The following DNER variants were observed in gnomAD, a reference collection of about 807,000 sequenced individuals.
DNER encodes the protein delta and Notch-like epidermal growth factor-related receptor.
Under a neutral mutation model 78.2 loss-of-function variants are expected in DNER, and 33 were observed. The observed-to-expected ratio is 0.42, with a 90% CI of 0.32 to 0.56. The LOEUF (loss-of-function observed/expected upper bound fraction) is 0.56. Ranked by LOEUF, DNER falls within the 20% of genes least tolerant of loss-of-function variation. The probability of loss-of-function intolerance (pLI) is 0.11; values close to 1 mark genes in which losing one functional copy is unlikely to be tolerated. For missense variants in DNER, 918 were observed against 975.3 expected, an observed-to-expected ratio of 0.94 and a Z score of 0.78; for synonymous variants, 417 against 384.8, an observed-to-expected ratio of 1.08 and a Z score of -0.98.
chr2:229,384,934 A>G (rs573696589), intron 11 of DNER, among the ~76,000 whole-genome samples: 1 of 152,226 alleles, frequency 6.6e-6, no homozygotes, highest in African/African-American at 2.4e-5. Flanking sequence ...TCCTGATACC[A>G]AAACCTGGAA....
chr2:229,477,935 G>T (rs1004200421), intron 6 of DNER, among the ~76,000 whole-genome samples: 1 of 152,218 alleles, frequency 6.6e-6, no homozygotes, highest in Non-Finnish European at 1.5e-5. Context: ...AAATAAGGAT[G>T]TAAATCGATT....
chr2:229,569,200 C>T (rs1421952616), intron 4 of DNER, among the ~76,000 whole-genome samples: 1 of 152,168 alleles, frequency 6.6e-6, no homozygotes. Flanking sequence ...CAGGAACCCC[C>T]ACAGATACCA....
At chr2:229,597,452 G>T (rs543255479) in intron 1 of DNER, among the ~76,000 whole-genome samples, 1 of 152,188 alleles carries the variant, frequency 6.6e-6, no homozygotes, top group South Asian at 2.1e-4. Context: ...TAAGGAAAAG[G>T]TCCTGTTGCA....
At chr2:229,690,078 C>T (rs1699542859) in intron 1 of DNER, among the ~76,000 whole-genome samples, 1 of 152,150 alleles carries the variant, frequency 6.6e-6, no homozygotes, top group African/African-American at 2.4e-5. Context: ...GTAAATCTTC[C>T]AAATGATCAA....
At chr2:229,525,141 G>T (rs1440106812) in intron 5 of DNER, among the ~76,000 whole-genome samples, 1 of 152,182 alleles carries the variant, frequency 6.6e-6, no homozygotes, top group Non-Finnish European at 1.5e-5. Flanking sequence ...ATATGCGTGT[G>T]TCTCAACGCC....
intron 1 of DNER, among the ~76,000 whole-genome samples, chr2:229,605,058 T>C (rs1240210128): frequency 6.6e-6 from 1 of 152,096 alleles, no homozygotes; most frequent in Non-Finnish European, 1.5e-5. Flanking sequence ...GTTGTTTTAT[T>C]TTTTTTTCTC....
chr2:229,522,366 C>A (rs141817084), intron 5 of DNER, among the ~76,000 whole-genome samples: 2 of 152,216 alleles, frequency 1.3e-5, no homozygotes, highest in African/African-American at 4.8e-5. Context: ...ATTAGGCATA[C>A]AATTTACATG....
intron 9 of DNER, among the ~76,000 whole-genome samples, chr2:229,417,842 G>C (rs1041360031): frequency 2.0e-5 from 3 of 151,932 alleles, no homozygotes; most frequent in African/African-American, 7.3e-5. Flanking sequence ...ATTACTTTTT[G>C]TTTTCAGCTT....
chr2:229,669,389 A>T lies in DNER; in HGVS notation c.276+44759T>A, dbSNP rs183679769. Among the ~76,000 whole-genome samples, 40 of 136,244 alleles carry T rather than the reference A, an allele frequency of 2.9e-4. No homozygotes were observed. In the East Asian group the frequency reaches 3.0e-3, roughly 10 times the overall value. 89.4% of individuals were successfully genotyped at this position (136,244 alleles called of 152,430 possible). The stretch of plus-strand genomic sequence containing the variant: ...ACATACATATATATATATATATATA[A>T]AAGAATGTCTATGTATATATAAAAT... On this transcript the variant is annotated intron_variant, in intron 1 of 12. Transcript: ENST00000341772.
intron 9 of DNER, among the ~76,000 whole-genome samples, chr2:229,410,510 C>T (rs1222823819): frequency 6.6e-6 from 1 of 152,188 alleles, no homozygotes; most frequent in Non-Finnish European, 1.5e-5. Context: ...TCAGAGAAAA[C>T]CAGGTCCACA....
intron 1 of DNER, among the ~76,000 whole-genome samples, chr2:229,656,411 G>T (rs1415290039): frequency 6.6e-6 from 1 of 152,156 alleles, no homozygotes; most frequent in African/African-American, 2.4e-5. Context: ...TGTTGGGAAT[G>T]AATGGGATCA....
At chr2:229,430,451 G>C (rs1693979000) in intron 8 of DNER, among the ~76,000 whole-genome samples, 2 of 152,168 alleles carry the variant, frequency 1.3e-5, no homozygotes, top group South Asian at 4.1e-4. Context: ...AATCTGAGTG[G>C]GCACCAGCTA....
chr2:229,495,753 T>A (rs145476255), intron 6 of DNER, among the ~76,000 whole-genome samples: 286 of 152,386 alleles, frequency 1.9e-3, no homozygotes, highest in African/African-American at 6.5e-3. Context: ...CCCAGTCAAG[T>A]TGACACATAA....
At chr2:229,605,730 A>C (rs1559180380) in intron 1 of DNER, among the ~76,000 whole-genome samples, 1 of 151,954 alleles carries the variant, frequency 6.6e-6, no homozygotes, top group South Asian at 2.1e-4. Context: ...TCTACAAAAA[A>C]AAAATGCAAA....
At position 229,495,625 on chromosome 2, in the gene DNER, C is replaced by T. The variant is rs185823203; in HGVS notation, c.1147+17158G>A. On this transcript the variant is annotated intron_variant, in intron 6 of 12. Transcript: ENST00000341772. ...CAGGTCCTCAACCTAGGCCCACCCA[C>T]GTTAGGAAGGGTAATATTCTTTACA... Among the ~76,000 whole-genome samples the T allele has an allele frequency of 7.9e-5, 12 of 152,294 alleles. No individual in the cohort carries two copies. In the East Asian group the frequency reaches 1.7e-3, roughly 22 times the overall value.
intron 5 of DNER, among the ~76,000 whole-genome samples, chr2:229,532,276 C>T (rs975907879): frequency 6.6e-6 from 1 of 152,122 alleles, no homozygotes; most frequent in East Asian, 1.9e-4. Context: ...TCTGTCAATT[C>T]CATCCCCTCC....
intron 1 of DNER, among the ~76,000 whole-genome samples, chr2:229,652,558 A>T (rs1698838529): frequency 6.6e-6 from 1 of 152,230 alleles, no homozygotes; most frequent in African/African-American, 2.4e-5. Flanking sequence ...ACTGTTATAA[A>T]ATGCCATCAG....
chr2:229,447,459 T>C lies in DNER; in HGVS notation c.1343A>G (p.Asp448Gly). 1 of 1,614,132 alleles carries C rather than the reference T, an allele frequency of 6.2e-7. No individual in the cohort carries two copies. Among genetic ancestry groups the C allele is most frequent in the Non-Finnish European group, 8.5e-7 (1 of 1,180,010 alleles). ...GCAGTTGCAGGTAAAGTGTACCCCG[T>C]CCACATAGCAGGTGCCGTTGTTCTG... ...PCQNNGTCYV[D>G]GVHFTCNCSP... Residue 448 changes from aspartate to glycine, a missense_variant, in exon 8 of 13, where the codon GAC becomes GGC. Physicochemically the swap from Asp to Gly is moderately conservative, Grantham distance 94. Coordinates refer to ENST00000341772, the MANE Select transcript of DNER (RefSeq NM_139072.4).
At position 229,632,691 on chromosome 2, in the gene DNER, T is replaced by C. The variant is rs60482518; in HGVS notation, c.277-40803A>G. On this transcript the variant is annotated intron_variant, in intron 1 of 12. Coordinates refer to ENST00000341772, the MANE Select transcript of DNER (RefSeq NM_139072.4). ...TACTATTTAGACTGCAGTGTTAACA[T>C]AGGTAGTCCAGATCACAAAAATATA... Among the ~76,000 whole-genome samples the C allele has an allele frequency of 1.9e-3, 292 of 152,348 alleles. 2 individuals carry two copies. Among genetic ancestry groups the C allele is most frequent in the African/African-American group, 6.8e-3 (281 of 41,586 alleles).
Sources: allele counts gnomAD v4.1 joint callset (sites outside exome capture counted in the v4.1 genomes callset), GRCh38; gene constraint gnomAD v4.1.1; transcripts MANE v1.5; gene names NCBI Gene and HGNC (gene_info 2026-07-23, HGNC 2026-07-21).